The following CCNK variants were observed in gnomAD, a reference collection of about 807,000 sequenced individuals.
CCNK encodes cyclin K.
A neutral mutation model predicts 65.0 loss-of-function variants in CCNK; 9 were observed. The observed-to-expected ratio is 0.14, with a 90% CI of 0.08 to 0.24. The LOEUF (loss-of-function observed/expected upper bound fraction) is 0.24, where lower values mean the gene tolerates loss of function less well. Among genes scored for constraint, CCNK ranks in the 10% least tolerant of loss-of-function variants. CCNK has a pLI of 1.00. For synonymous variants in CCNK, 279 were observed against 270.8 expected (o/e 1.03, Z -0.30); for missense variants, 474 against 720.0 (o/e 0.66, Z 3.91).
chr14:99,509,790 C>T (rs1897073705), intron 10 of CCNK: 1 of 311,098 alleles, frequency 3.2e-6, no homozygotes, highest in Non-Finnish European at 6.0e-6. Context: ...GCCCTGACCC[C>T]TGGGGTCAGT....
At position 99,495,571 on chromosome 14, in the gene CCNK, A is replaced by G. The variant is rs1191649509; in HGVS notation, c.353A>G (p.Lys118Arg). 3.1e-6 allele frequency: 5 copies of G among 1,613,588 alleles called. No individual in the cohort carries two copies. The highest frequency in any genetic ancestry group is 1.3e-5 in the African/African-American group (1 of 75,052). ...CCAAAAAAATGTAAAGATATCATCA[A>G]AACAGCTCGTAGTTTATTAAATGAT... The part of the protein sequence containing the change: ...ETPKKCKDII[K>R]TARSLLNDVQ... The change falls in exon 4 of 11, where the codon AAA becomes AGA. Residue 118 changes from lysine to arginine, a missense_variant. This residue lies in a region of CCNK where 87 missense variants were observed against 166.2 expected (regional missense o/e 0.52). Transcript: ENST00000389879.
intron 1 of CCNK, among the ~76,000 whole-genome samples, chr14:99,483,844 G>T (rs368014619): frequency 6.6e-6 from 1 of 152,174 alleles, no homozygotes; most frequent in African/African-American, 2.4e-5. Flanking sequence ...GCCCTTACTC[G>T]GATTAACACT....
intron 1 of CCNK, among the ~76,000 whole-genome samples, chr14:99,483,051 T>A (rs757379046): frequency 1.9e-4 from 29 of 152,208 alleles, no homozygotes; most frequent in Non-Finnish European, 3.2e-4. Context: ...ATTCTTAGAT[T>A]TTGAAAAATC....
At position 99,501,342 on chromosome 14, in the gene CCNK, G is replaced by A. The variant is rs1281981649; in HGVS notation, c.518-14G>A. 2 of 1,569,898 alleles carry A rather than the reference G, an allele frequency of 1.3e-6. No homozygotes were observed. Among genetic ancestry groups the A allele is most frequent in the Admixed American group, 1.7e-5 (1 of 59,470 alleles). Reference sequence around the variant, plus strand: ...TCTATTGCTATTAATTTACCTTTTTGTCCCCATTTCTAGGTGATAAAAACA... The same window carrying A: ...TCTATTGCTATTAATTTACCTTTTTATCCCCATTTCTAGGTGATAAAAACA... On this transcript the variant is annotated splice_polypyrimidine_tract_variant and intron_variant, in intron 5 of 10. Coordinates refer to ENST00000389879, the MANE Select transcript of CCNK (RefSeq NM_001099402.2).
At chr14:99,504,945 A>G (rs1041714086) in intron 9 of CCNK, 5 of 152,292 alleles carry the variant, frequency 3.3e-5, no homozygotes, top group African/African-American at 9.7e-5. Flanking sequence ...ATGGAGCAAT[A>G]AGTTGGAAGT....
intron 5 of CCNK, 54 bp from the exon 6 acceptor site, chr14:99,501,302 C>T: frequency 8.9e-7 from 1 of 1,124,082 alleles, no homozygotes. Flanking sequence ...ATACTTGATG[C>T]TGCCTGTGAA....
At chr14:99,508,552 A>G (rs1897033399) in intron 10 of CCNK, 1 of 152,472 alleles carries the variant, frequency 6.6e-6, no homozygotes, top group South Asian at 2.1e-4. Context: ...GAGGCGCAGT[A>G]AAGCTGGGCC....
chr14:99,485,700 A>G (rs1306156462), intron 1 of CCNK, among the ~76,000 whole-genome samples: 3 of 152,176 alleles, frequency 2.0e-5, no homozygotes, highest in Non-Finnish European at 4.4e-5. Flanking sequence ...CCTCAAAAGA[A>G]TAACCTATTT....
Position 99,482,819 on chromosome 14 carries a change from G to A in CCNK, c.-53+1340G>A, listed in dbSNP as rs1896384577. Among the ~76,000 whole-genome samples the A allele has an allele frequency of 3.9e-5, 6 of 152,156 alleles. No individual in the cohort carries two copies. In the South Asian group the frequency reaches 1.2e-3, roughly 32 times the overall value. ...TGGTCATAGCTGTGGCCTATAAAAT[G>A]GGCTAGTTCATTTCAGGACATTATA... On this transcript the variant is annotated intron_variant, in intron 1 of 10. Transcript: ENST00000389879.
chr14:99,506,375 A>G (rs1459607502), intron 9 of CCNK: 1 of 152,380 alleles, frequency 6.6e-6, no homozygotes, highest in Non-Finnish European at 1.5e-5. Flanking sequence ...TAAACGGATG[A>G]GATTGGACTT....
intron 10 of CCNK, chr14:99,509,131 G>A (rs1897048935): frequency 6.6e-6 from 1 of 152,244 alleles, no homozygotes; most frequent in African/African-American, 2.4e-5. Context: ...TACCCAACCA[G>A]GATGTCGTGC....
chr14:99,488,896 C>T (rs1469607645), intron 1 of CCNK, among the ~76,000 whole-genome samples: 4 of 150,336 alleles, frequency 2.7e-5, no homozygotes, highest in Non-Finnish European at 5.9e-5. Context: ...GGGCACCCAT[C>T]ATGGTGGCTC....
chr14:99,488,341 T>C (rs533019750), intron 1 of CCNK, among the ~76,000 whole-genome samples: 10 of 152,044 alleles, frequency 6.6e-5, no homozygotes, highest in African/African-American at 2.4e-4. Flanking sequence ...TAGCCCTCTT[T>C]AGCCTTTTTA....
chr14:99,501,441 A>G (rs753517300), intron 6 of CCNK, 28 bp downstream of exon 6: 1 of 1,429,952 alleles, frequency 7.0e-7, no homozygotes, highest in Non-Finnish European at 9.8e-7. Context: ...TTGATTAATT[A>G]CAGTATTTTA....
rs537283860 is a variant in CCNK at position 99,488,277 on chromosome 14, TAA to T, written c.-52-4335_-52-4334del. Among the ~76,000 whole-genome samples the T allele has an allele frequency of 1.4e-3, 195 of 142,848 alleles. 1 individual carries two copies. The highest frequency in any genetic ancestry group is 4.1e-3 in the African/African-American group (160 of 39,280). The allele number at this position is 142,848 out of a possible 152,430, so 93.7% of individuals were successfully genotyped here. A position where few individuals can be genotyped will look rare whatever the true frequency, so the allele number is the denominator to read the frequency against. On this transcript the variant is annotated intron_variant, in intron 1 of 10. Transcript: ENST00000389879. ...CAAATTGTTTGAAATTTCTTTTTTT[TAA>T]AAAAAAAAAAAAAGCAGGATCTAAT... is the stretch of plus-strand genomic sequence containing the variant.
intron 1 of CCNK, among the ~76,000 whole-genome samples, chr14:99,490,456 A>G (rs2139854504): frequency 6.6e-6 from 1 of 152,224 alleles, no homozygotes; most frequent in East Asian, 1.9e-4. Context: ...GACAAAACTC[A>G]TCTATCTTTA....
Position 99,496,930 on chromosome 14 carries a change from C to T in CCNK, c.411+1301C>T, listed in dbSNP as rs202040622. ...TCCACCTCAAGAAAAAAAAAAAATG[C>T]TTTTTTTTTTTTTAGAGCAGTTTTA... On this transcript the variant is annotated intron_variant, in intron 4 of 10. Coordinates refer to ENST00000389879, the MANE Select transcript of CCNK (RefSeq NM_001099402.2). Among the ~76,000 whole-genome samples, 705 of 129,768 alleles carry T rather than the reference C, an allele frequency of 5.4e-3. 6 individuals are homozygous for T. The highest frequency in any genetic ancestry group is 0.011 in the Admixed American group (130 of 12,204). The allele number at this position is 129,768 out of a possible 152,430, so 85.1% of individuals were successfully genotyped here.
At position 99,510,689 on chromosome 14, in the gene CCNK, C is replaced by T. The variant is rs1319262302; in HGVS notation, c.1650C>T (p.Val550=). 3 of 1,424,962 alleles carry T rather than the reference C, an allele frequency of 2.1e-6. No homozygotes were observed. Among genetic ancestry groups the T allele is most frequent in the South Asian group, 1.5e-5 (1 of 65,346 alleles). The allele number at this position is 1,424,962 out of a possible 1,614,324, so 88.3% of individuals were successfully genotyped here. ...LPPASYPPPA[V]PPGGQPPVPP... is the part of the protein sequence containing the mutation. ...CAGCCAGCTACCCACCTCCTGCCGTCCCCCCTGGAGGACAGCCTCCTGTGC... is the reference window on the plus strand; with the variant it reads ...CAGCCAGCTACCCACCTCCTGCCGTTCCCCCTGGAGGACAGCCTCCTGTGC... Residue 550 remains valine, a synonymous_variant, in exon 11 of 11, where the codon GTC becomes GTT. Coordinates refer to ENST00000389879, the MANE Select transcript of CCNK (RefSeq NM_001099402.2).
chr14:99,503,854 A>G (rs1896904612), intron 9 of CCNK: 1 of 566,726 alleles, frequency 1.8e-6, no homozygotes, highest in South Asian at 2.3e-5. Flanking sequence ...CAGTACAGAA[A>G]ACATTACTGG....
Sources: allele counts gnomAD v4.1 joint callset (sites outside exome capture counted in the v4.1 genomes callset), GRCh38; gene constraint gnomAD v4.1.1; regional missense constraint gnomAD v4.1.1; transcripts MANE v1.5; gene names NCBI Gene and HGNC (gene_info 2026-07-23, HGNC 2026-07-21).